The following JAKMIP1 variants were observed in gnomAD, a reference collection of about 807,000 sequenced individuals.
JAKMIP1 encodes the protein janus kinase and microtubule interacting protein 1.
JAKMIP1 carries 33 observed loss-of-function variants against 113.0 expected under a neutral mutation model. The observed-to-expected ratio is 0.29, with a 90% CI of 0.22 to 0.39. JAKMIP1 has a LOEUF of 0.39. Among genes scored for constraint, JAKMIP1 ranks in the 10% least tolerant of loss-of-function variants. The probability of loss-of-function intolerance (pLI) is 1.00; values close to 1 mark genes in which losing one functional copy is unlikely to be tolerated. For missense variants in JAKMIP1, 813 were observed against 1,080.5 expected (o/e 0.75, Z 3.47); for synonymous variants, 480 against 459.9 (o/e 1.04, Z -0.56).
chr4:6,159,916 G>C (rs1405159603), intron 1 of JAKMIP1, among the ~76,000 whole-genome samples: 1 of 152,210 alleles, frequency 6.6e-6, no homozygotes, highest in African/African-American at 2.4e-5. Context: ...CATACCTGCT[G>C]TAGGGAAAGT....
At chr4:6,170,798 C>G (rs1724511120) in intron 1 of JAKMIP1, among the ~76,000 whole-genome samples, 2 of 84,318 alleles carry the variant, frequency 2.4e-5, no homozygotes, top group Non-Finnish European at 6.1e-5. Flanking sequence ...CACCACTACA[C>G]TTCCATCACT....
At position 6,136,171 on chromosome 4, in the gene JAKMIP1, A is replaced by G. The variant is rs201633104; in HGVS notation, c.-147-23174T>C. Among the ~76,000 whole-genome samples, 70 of 151,082 alleles carry G rather than the reference A, an allele frequency of 4.6e-4. No homozygotes were observed. In the East Asian group the frequency reaches 0.011, roughly 23 times the overall value. On this transcript the variant is annotated intron_variant, in intron 1 of 20. Transcript: ENST00000409021. This position sits in a 1 kb window ranked among gnomAD's most constrained non-coding sequence, Gnocchi z 5.9. ...TGAGGCAGGAGAATCACTTGAACCC[A>G]GGAAATGGAGGTTGCAGTGAGCCGA... is the stretch of plus-strand genomic sequence containing the variant.
In JAKMIP1 at chr4:6,187,795, GACA is replaced by G. The variant is rs577700692; in HGVS notation, c.-148+12455_-148+12457del. Among the ~76,000 whole-genome samples, 124 of 152,348 alleles carry G rather than the reference GACA, an allele frequency of 8.1e-4. No homozygotes were observed. Among genetic ancestry groups the G allele is most frequent in the African/African-American group, 2.9e-3 (122 of 41,580 alleles). On this transcript the variant is annotated intron_variant, in intron 1 of 20. Coordinates refer to ENST00000409021, the MANE Select transcript of JAKMIP1 (RefSeq NM_001099433.2). This position sits in a 1 kb window ranked among gnomAD's most constrained non-coding sequence, Gnocchi z 4.2. The stretch of plus-strand genomic sequence containing the variant: ...TACTTGGATCATATATTTTATCCCT[GACA>G]ACATCTACCTTTTGACTGGCTTATT...
chr4:6,146,460 A>G (rs574551748), intron 1 of JAKMIP1, among the ~76,000 whole-genome samples: 91 of 151,874 alleles, frequency 6.0e-4, no homozygotes, highest in Non-Finnish European at 9.4e-4. Context: ...ACTCCCAGCT[A>G]ATTTTTTATT....
At chr4:6,171,615 G>C (rs1157765256) in intron 1 of JAKMIP1, among the ~76,000 whole-genome samples, 1 of 152,240 alleles carries the variant, frequency 6.6e-6, no homozygotes, top group Non-Finnish European at 1.5e-5. Flanking sequence ...GTGTCTAGTA[G>C]GGAATGCCAA....
intron 8 of JAKMIP1, among the ~76,000 whole-genome samples, chr4:6,070,854 T>C (rs1718860701): frequency 6.6e-6 from 1 of 152,186 alleles, no homozygotes; most frequent in Non-Finnish European, 1.5e-5. Context: ...TTTTTTTAAC[T>C]AGATCAAAGT....
intron 8 of JAKMIP1, among the ~76,000 whole-genome samples, chr4:6,072,006 A>G (rs1414664710): frequency 2.0e-5 from 3 of 152,274 alleles, no homozygotes; most frequent in Non-Finnish European, 2.9e-5. Context: ...AAGCTGAGTC[A>G]TGCAAGAAGC....
chr4:6,088,355 CGGGTAAGGGAG>C lies in JAKMIP1; in HGVS notation c.625-2737_625-2727del, dbSNP rs1721592758. Among the ~76,000 whole-genome samples, 1 of 152,172 alleles carries C rather than the reference CGGGTAAGGGAG, an allele frequency of 6.6e-6. No individual in the cohort carries two copies. Among genetic ancestry groups the C allele is most frequent in the African/African-American group, 2.4e-5 (1 of 41,444 alleles). On this transcript the variant is annotated intron_variant, in intron 3 of 20. Transcript: ENST00000409021. This position sits in a 1 kb window ranked among gnomAD's most constrained non-coding sequence, Gnocchi z 5.5. Reference sequence around the variant, plus strand: ...TTGCAAACCAACAGTTTGTCCATCACGGGTAAGGGAGGGTTCTTGTCTGCCCCTCAGTATCA... The same window carrying C: ...TTGCAAACCAACAGTTTGTCCATCACGGTTCTTGTCTGCCCCTCAGTATCA...
At chr4:6,041,470 T>C (rs1440776724) in intron 17 of JAKMIP1, among the ~76,000 whole-genome samples, 1 of 152,024 alleles carries the variant, frequency 6.6e-6, no homozygotes, top group Non-Finnish European at 1.5e-5. Context: ...CATTTCCATT[T>C]CTCCTTGGAG....
At chr4:6,174,999 T>A (rs1725170012) in intron 1 of JAKMIP1, among the ~76,000 whole-genome samples, 1 of 152,114 alleles carries the variant, frequency 6.6e-6, no homozygotes, top group South Asian at 2.1e-4. Context: ...CAGTAAAACG[T>A]ATCCACAGGC....
intron 20 of JAKMIP1, among the ~76,000 whole-genome samples, chr4:6,027,965 G>A (rs942020804): frequency 6.6e-6 from 1 of 152,194 alleles, no homozygotes; most frequent in African/African-American, 2.4e-5. Context: ...CAGTCCACAC[G>A]CCTTGCCTGG....
At chr4:6,075,044 T>C (rs1466950238) in intron 8 of JAKMIP1, among the ~76,000 whole-genome samples, 1 of 152,216 alleles carries the variant, frequency 6.6e-6, no homozygotes, top group African/African-American at 2.4e-5. Context: ...TGCATGACTC[T>C]AGTTTTAGAC....
rs1186648738 is a variant in JAKMIP1 at position 6,097,673 on chromosome 4, G to A, written c.624+7800C>T. 6.6e-6 allele frequency among the ~76,000 whole-genome samples: 1 copy of A among 152,136 alleles called. No homozygotes were observed. The highest frequency in any genetic ancestry group is 1.5e-5 in the Non-Finnish European group (1 of 68,030). On this transcript the variant is annotated intron_variant, in intron 3 of 20. Coordinates refer to ENST00000409021, the MANE Select transcript of JAKMIP1 (RefSeq NM_001099433.2). The surrounding 1 kb of genome is among the most constrained non-coding windows in gnomAD (Gnocchi z 4.3). Reference sequence around the variant, plus strand: ...ACCTTTGGAAAACTCCATAAGGATGGGGGAAGCTTTACAGATCACTTCCCC... The same window carrying A: ...ACCTTTGGAAAACTCCATAAGGATGAGGGAAGCTTTACAGATCACTTCCCC...
intron 2 of JAKMIP1, among the ~76,000 whole-genome samples, chr4:6,107,087 C>T (rs1011652843): frequency 6.6e-6 from 1 of 152,216 alleles, no homozygotes. Flanking sequence ...CAGATACTCA[C>T]AATCATAGGA....
chr4:6,141,942 G>C lies in JAKMIP1; in HGVS notation c.-147-28945C>G, dbSNP rs1279325846. Among the ~76,000 whole-genome samples the C allele has an allele frequency of 6.6e-6, 1 of 152,106 alleles. No homozygotes were observed. Among genetic ancestry groups the C allele is most frequent in the African/African-American group, 2.4e-5 (1 of 41,426 alleles). ...TAAAAATCAAGTTTACTCCAATAAA[G>C]AAACTTGGGAGAACACAGAAAAGGA... On this transcript the variant is annotated intron_variant, in intron 1 of 20. Coordinates refer to ENST00000409021, the MANE Select transcript of JAKMIP1 (RefSeq NM_001099433.2). The surrounding 1 kb of genome is among the most constrained non-coding windows in gnomAD (Gnocchi z 9.4).
At position 6,044,253 on chromosome 4, in the gene JAKMIP1, C is replaced by A. The variant is rs1353039804; in HGVS notation, c.2029-2026G>T. Among the ~76,000 whole-genome samples, 3 of 152,176 alleles carry A rather than the reference C, an allele frequency of 2.0e-5. No homozygotes were observed. Among genetic ancestry groups the A allele is most frequent in the Non-Finnish European group, 4.4e-5 (3 of 68,028 alleles). ...TTGAAGGTGGGGACCACATTTGCCT[C>A]CTGTTGGACTTCCTTGCCTGGCACA... On this transcript the variant is annotated intron_variant, in intron 16 of 20. Coordinates refer to ENST00000409021, the MANE Select transcript of JAKMIP1 (RefSeq NM_001099433.2). This position sits in a 1 kb window ranked among gnomAD's most constrained non-coding sequence, Gnocchi z 4.4.
In JAKMIP1 at chr4:6,135,962, G is replaced by A. The variant is rs62284845; in HGVS notation, c.-147-22965C>T. ...ATGAAGTGTCCCTTCAACATGGACC[G>A]AGGCTGGGCACAGTGGCTCACACCT... On this transcript the variant is annotated intron_variant, in intron 1 of 20. Transcript: ENST00000409021. This position sits in a 1 kb window ranked among gnomAD's most constrained non-coding sequence, Gnocchi z 4.9. 0.33 allele frequency among the ~76,000 whole-genome samples: 50,822 copies of A among 152,054 alleles called. 10,033 individuals are homozygous for A. Among genetic ancestry groups the A allele is most frequent in the East Asian group, 0.56 (2,879 of 5,160 alleles).
chr4:6,096,456 C>T (rs1228567002), intron 3 of JAKMIP1, among the ~76,000 whole-genome samples: 3 of 152,218 alleles, frequency 2.0e-5, no homozygotes, highest in Non-Finnish European at 2.9e-5. Context: ...TATATCTTCA[C>T]TCTCCATTTT....
At chr4:6,125,499 C>T (rs111246540) in intron 1 of JAKMIP1, among the ~76,000 whole-genome samples, 5,808 of 151,972 alleles carry the variant, frequency 0.038, 361 homozygotes, top group African/African-American at 0.13. Context: ...CCTGAGAGTC[C>T]GTTATGTGTC....
Sources: allele counts gnomAD v4.1 joint callset (sites outside exome capture counted in the v4.1 genomes callset), GRCh38; gene constraint gnomAD v4.1.1; non-coding constraint Gnocchi (gnomAD v3.1); transcripts MANE v1.5; gene names NCBI Gene and HGNC (gene_info 2026-07-23, HGNC 2026-07-21).